The following TTC34 variants were observed in gnomAD, a reference collection of about 807,000 sequenced individuals.
The protein encoded by TTC34 is tetratricopeptide repeat protein 34.
A neutral mutation model predicts 40.7 loss-of-function variants in TTC34; 44 were observed. The ratio of observed to expected loss-of-function variants is 1.08; its 90% CI spans 0.85 to 1.39. TTC34 has a LOEUF of 1.39. TTC34 is among the 40% of genes most tolerant of loss of function. The pLI, the probability that TTC34 is intolerant of heterozygous loss-of-function variation, is 0.00. For missense variants in TTC34, 884 were observed against 838.0 expected (o/e 1.05, Z -0.68); for synonymous variants, 422 against 398.6 (o/e 1.06, Z -0.70).
At chr1:2,640,626 G>C (rs1349606661) in exon 9 of TTC34, 1 of 152,110 alleles carries the variant, frequency 6.6e-6, no homozygotes, top group East Asian at 2.0e-4. Context: ...GGGCCCATTT[G>C]GGAGCTCTGT....
rs548963268 is a variant in TTC34 at position 2,684,096 on chromosome 1, G to A, written c.2227-38533C>T. Among the ~76,000 whole-genome samples the A allele has an allele frequency of 9.0e-3, 1,363 of 151,338 alleles. 4 individuals carry two copies. Among genetic ancestry groups the A allele is most frequent in the Admixed American group, 0.015 (234 of 15,142 alleles). On this transcript the variant is annotated intron_variant, in intron 6 of 8. Transcript: ENST00000401095. ...CACATCCCCAGGTGAGCATCCGATA[G>A]CCTGGAGCAGCACCCACACCCTCAG...
chr1:2,772,961 T>G (rs1417735441), intron 6 of TTC34, among the ~76,000 whole-genome samples: 9 of 119,408 alleles, frequency 7.5e-5, no homozygotes, highest in Non-Finnish European at 1.2e-4. Context: ...TCTGACAGCC[T>G]GGAGCAGCAT....
chr1:2,645,639 C>T lies in TTC34; in HGVS notation c.2227-76G>A. On this transcript the variant is annotated intron_variant, in intron 6 of 8. Transcript: ENST00000401095. This position sits in a 1 kb window ranked among gnomAD's most constrained non-coding sequence, Gnocchi z 4.7. Reference sequence around the variant, plus strand: ...TGGGCAGAGGGTCAGAGTAGGAGGACTGGCTCTGTCTTTCTCATTCCCTGA... The same window carrying T: ...TGGGCAGAGGGTCAGAGTAGGAGGATTGGCTCTGTCTTTCTCATTCCCTGA... The T allele has an allele frequency of 7.3e-7, 1 of 1,364,360 alleles. No homozygotes were observed. Among genetic ancestry groups the T allele is most frequent in the Non-Finnish European group, 9.6e-7 (1 of 1,046,198 alleles). 84.5% of individuals were successfully genotyped at this position (1,364,360 alleles called of 1,614,324 possible).
intron 6 of TTC34, among the ~76,000 whole-genome samples, chr1:2,687,226 C>A (rs1277942774): frequency 1.4e-5 from 2 of 147,248 alleles, no homozygotes; most frequent in African/African-American, 2.7e-5. Context: ...CATCCGACAG[C>A]CTGGAGCAGC....
intron 6 of TTC34, among the ~76,000 whole-genome samples, chr1:2,674,840 A>G (rs1639836045): frequency 2.0e-5 from 2 of 100,112 alleles, no homozygotes; most frequent in Admixed American, 9.9e-5. Context: ...AGCACCCACA[A>G]CCACAGGTGA....
chr1:2,798,648 T>C (rs1455554863), intron 2 of TTC34, among the ~76,000 whole-genome samples: 2 of 46,168 alleles, frequency 4.3e-5, no homozygotes, highest in African/African-American at 9.2e-5. Flanking sequence ...CCACCCAGCC[T>C]CCCAGGCTCC....
intron 6 of TTC34, among the ~76,000 whole-genome samples, chr1:2,757,884 C>A (rs1173863120): frequency 9.1e-5 from 12 of 131,262 alleles, no homozygotes; most frequent in East Asian, 2.2e-4. Context: ...ACAGGTGAGC[C>A]TCTGACAGCC....
intron 6 of TTC34, among the ~76,000 whole-genome samples, chr1:2,647,659 T>A (rs1041438679): frequency 1.4e-5 from 2 of 147,984 alleles, no homozygotes; most frequent in African/African-American, 4.9e-5. Flanking sequence ...TTTTCTTTCT[T>A]TTATTTTGAG....
chr1:2,675,173 A>G (rs1639857558), intron 6 of TTC34, among the ~76,000 whole-genome samples: 2 of 147,582 alleles, frequency 1.4e-5, no homozygotes, highest in Non-Finnish European at 3.0e-5. Flanking sequence ...CCAGGGGAGC[A>G]TCTGACATCC....
chr1:2,750,684 C>A (rs1277128986), intron 6 of TTC34, among the ~76,000 whole-genome samples: 115 of 25,984 alleles, frequency 4.4e-3, no homozygotes, highest in African/African-American at 0.015. Context: ...CAGCACCCTG[C>A]ACCCCCAAGT....
chr1:2,683,432 C>CAA (rs1557606617), intron 6 of TTC34, among the ~76,000 whole-genome samples: 36 of 48,500 alleles, frequency 7.4e-4, no homozygotes, highest in East Asian at 6.7e-3. Flanking sequence ...CCACCCTTCA[C>CAA]CCCCAGGTGA....
Position 2,751,958 on chromosome 1 carries a change from C to A in TTC34, c.2226+31651G>T, listed in dbSNP as rs1230342601. Among the ~76,000 whole-genome samples the A allele has an allele frequency of 6.8e-5, 8 of 117,004 alleles. 1 individual carries two copies. Among genetic ancestry groups the A allele is most frequent in the East Asian group, 3.0e-4 (1 of 3,284 alleles). The allele number at this position is 117,004 out of a possible 152,430, so 76.8% of individuals were successfully genotyped here. On this transcript the variant is annotated intron_variant, in intron 6 of 8. Coordinates refer to ENST00000401095, the Ensembl canonical transcript of TTC34. ...CAGGTGAACATCGGAGAGTCTGGAG[C>A]AGCGCCCACACCCCCAGGCGAGCAT... is the stretch of plus-strand genomic sequence containing the variant.
At chr1:2,655,380 GT>G in intron 6 of TTC34, among the ~76,000 whole-genome samples, 1 of 110,890 alleles carries the variant, frequency 9.0e-6, no homozygotes, top group East Asian at 3.2e-4. Flanking sequence ...ACACCCCCAG[GT>G]GAGCATCCAA....
chr1:2,652,528 CAGGCGAGCATTG>C (rs1639182490), intron 6 of TTC34, among the ~76,000 whole-genome samples: 1 of 140,534 alleles, frequency 7.1e-6, no homozygotes, highest in Non-Finnish European at 1.5e-5. Flanking sequence ...CCCACACCTC[CAGGCGAGCATTG>C]GAAAGCCTGG....
chr1:2,756,934 A>T (rs1641526148), intron 6 of TTC34, among the ~76,000 whole-genome samples: 757 of 118,204 alleles, frequency 6.4e-3, no homozygotes, highest in African/African-American at 0.02. Flanking sequence ...ACAGCCTGGA[A>T]CAGAACCCAC....
chr1:2,652,538 T>C (rs1188305871), intron 6 of TTC34, among the ~76,000 whole-genome samples: 4 of 9,152 alleles, frequency 4.4e-4, no homozygotes, highest in Non-Finnish European at 8.6e-4. Context: ...CAGGCGAGCA[T>C]TGGAAAGCCT....
chr1:2,687,581 C>A (rs1345462124), intron 6 of TTC34, among the ~76,000 whole-genome samples: 1 of 145,718 alleles, frequency 6.9e-6, no homozygotes, highest in East Asian at 2.1e-4. Flanking sequence ...AGGTGACGAT[C>A]TGACAGCCTG....
chr1:2,789,771 GCA>G lies in TTC34; in HGVS notation c.1358_1359del (p.Val453AlafsTer118), dbSNP rs1334124486. 4 of 575,622 alleles carry G rather than the reference GCA, an allele frequency of 6.9e-6. No individual in the cohort carries two copies. Among genetic ancestry groups the G allele is most frequent in the Non-Finnish European group, 1.1e-5 (4 of 363,968 alleles). The allele number at this position is 575,622 out of a possible 1,614,324, so 35.7% of individuals were successfully genotyped here. ...AGCAGTCCCCGGCCGCACAGCGCGC[GCA>G]CACAGCCCCCCGGGTGCGGCGCCCC... is the stretch of plus-strand genomic sequence containing the variant. On this transcript the variant is annotated frameshift_variant, in exon 3 of 9. Coordinates refer to ENST00000401095, the Ensembl canonical transcript of TTC34. LOFTEE classifies it high-confidence loss of function.
At chr1:2,785,088 C>T (rs1479252536) in intron 5 of TTC34, among the ~76,000 whole-genome samples, 2 of 152,166 alleles carry the variant, frequency 1.3e-5, no homozygotes, top group Admixed American at 1.3e-4. Flanking sequence ...AATGAGCCCT[C>T]TGAATCCCCA....
Sources: gnomAD v4.1 joint callset for allele counts (sites outside exome capture counted in the v4.1 genomes callset) on GRCh38, gnomAD v4.1.1 for gene constraint, Gnocchi (gnomAD v3.1) non-coding constraint, MANE v1.5 for transcripts, NCBI Gene and HGNC (gene_info 2026-07-23, HGNC 2026-07-21) for gene names.